Variants in SOX5 observed in about 807,000 individuals in gnomAD.
The protein encoded by SOX5 is SRY-box transcription factor 5.
SOX5 carries 9 observed loss-of-function variants against 92.0 expected under a neutral mutation model. The observed-to-expected ratio is 0.10, with a 90% confidence interval of 0.06 to 0.17. The LOEUF (loss-of-function observed/expected upper bound fraction) is 0.17. SOX5 is among the 10% of genes least tolerant of loss of function. The probability of loss-of-function intolerance (pLI) is 1.00; values close to 1 mark genes in which losing one functional copy is unlikely to be tolerated. For synonymous variants in SOX5, 344 were observed against 336.3 expected, an observed-to-expected ratio of 1.02 and a Z score of -0.25; for missense variants, 642 against 944.5, an observed-to-expected ratio of 0.68 and a Z score of 4.20.
At chr12:24,471,640 G>A (rs58348929) in intron 1 of SOX5, among the ~76,000 whole-genome samples, 160 of 152,232 alleles carry the variant, frequency 1.1e-3, no homozygotes, top group African/African-American at 3.6e-3. Flanking sequence ...GATAATTTAA[G>A]ATGTTTCTAA....
intron 2 of SOX5, among the ~76,000 whole-genome samples, chr12:24,284,923 G>A (rs565234548): frequency 6.6e-6 from 1 of 152,266 alleles, no homozygotes; most frequent in Admixed American, 6.5e-5. Context: ...TCAGGAGTTC[G>A]AGACCAGCCT....
chr12:24,368,425 T>C (rs1226739546), intron 2 of SOX5: 2 of 152,232 alleles, frequency 1.3e-5, no homozygotes, highest in Non-Finnish European at 2.9e-5. Context: ...TTTTTGGCAT[T>C]AGTACATTCG....
intron 3 of SOX5, among the ~76,000 whole-genome samples, chr12:23,781,856 A>G (rs1046134695): frequency 3.3e-5 from 5 of 152,126 alleles, no homozygotes; most frequent in African/African-American, 1.2e-4. Flanking sequence ...CCAAATACAG[A>G]AACTACTTTT....
At position 23,977,661 on chromosome 12, in the gene SOX5, C is replaced by T. The variant is rs1949064943; in HGVS notation, c.-1-81637G>A. ...CGCCTGGTCGAGAGTCTCGTTCTGT[C>T]TCAAAAAAAAAAAAAAAAGTGAAGA... On this transcript the variant is annotated intron_variant, in intron 4 of 4. Transcript: ENST00000446891. Among the ~76,000 whole-genome samples, 4 of 72,236 alleles carry T rather than the reference C, an allele frequency of 5.5e-5. No individual in the cohort carries two copies. In the South Asian group the frequency reaches 1.9e-3, roughly 34 times the overall value. The allele number at this position is 72,236 out of a possible 152,430, so 47.4% of individuals were successfully genotyped here.
At chr12:24,123,961 A>T (rs933995388) in intron 4 of SOX5, among the ~76,000 whole-genome samples, 1 of 152,182 alleles carries the variant, frequency 6.6e-6, no homozygotes, top group Admixed American at 6.5e-5. Flanking sequence ...CAAGAGTCTC[A>T]CCTTGTGCTA....
chr12:24,005,136 T>C (rs1041111680), intron 4 of SOX5, among the ~76,000 whole-genome samples: 2 of 151,940 alleles, frequency 1.3e-5, no homozygotes, highest in Admixed American at 6.6e-5. Flanking sequence ...GGAAATGTTC[T>C]AAATTTGTAT....
intron 4 of SOX5, among the ~76,000 whole-genome samples, chr12:23,963,791 G>A (rs541767327): frequency 6.9e-6 from 1 of 144,934 alleles, no homozygotes; most frequent in African/African-American, 2.5e-5. Flanking sequence ...AAACTGGAAG[G>A]CTATATATTC....
At chr12:23,689,181 C>G (rs780308359) in intron 6 of SOX5, among the ~76,000 whole-genome samples, 10 of 152,016 alleles carry the variant, frequency 6.6e-5, no homozygotes, top group Non-Finnish European at 5.9e-5. Flanking sequence ...TCTTTGTTTT[C>G]TCCTCCCCAA....
chr12:23,734,299 A>G (rs2093504215), intron 6 of SOX5, among the ~76,000 whole-genome samples: 1 of 152,188 alleles, frequency 6.6e-6, no homozygotes, highest in Non-Finnish European at 1.5e-5. Context: ...ATGCAATAAA[A>G]AAGTTCTATC....
rs74882538 is a variant in SOX5, at chr12:24,060,191, A to T, written c.-2+153152T>A. Among the ~76,000 whole-genome samples, 921 of 152,350 alleles carry T rather than the reference A, an allele frequency of 6.0e-3. 10 individuals are homozygous for T. Among genetic ancestry groups the T allele is most frequent in the South Asian group, 0.034 (165 of 4,830 alleles). On this transcript the variant is annotated intron_variant, in intron 4 of 4. Transcript: ENST00000446891. ...TTGTGTGCCAGAAACTATACACAGC[A>T]GTCTATATATTTGTGTCATGTAACC...
At chr12:24,100,455 C>G (rs1167126933) in intron 4 of SOX5, among the ~76,000 whole-genome samples, 1 of 152,112 alleles carries the variant, frequency 6.6e-6, no homozygotes, top group Admixed American at 6.6e-5. Context: ...CTGCCATTCT[C>G]TCCTCTCCTG....
At chr12:23,846,289 A>T (rs992146693) in intron 2 of SOX5, 96 bp from the exon 3 acceptor site, 1 of 964,026 alleles carries the variant, frequency 1.0e-6, no homozygotes, top group Non-Finnish European at 1.6e-6. Context: ...CAAAAGGACA[A>T]ATAATTGTTT....
At chr12:24,155,972 C>T (rs927345136) in intron 4 of SOX5, among the ~76,000 whole-genome samples, 5 of 152,098 alleles carry the variant, frequency 3.3e-5, no homozygotes, top group East Asian at 1.9e-4. Context: ...TGTTTATGGA[C>T]GCTATTTCTG....
intron 3 of SOX5, among the ~76,000 whole-genome samples, chr12:23,798,702 A>G (rs890195711): frequency 1.3e-5 from 2 of 151,900 alleles, no homozygotes; most frequent in African/African-American, 4.8e-5. Context: ...TCAATGGTCT[A>G]TAACTATTTC....
intron 4 of SOX5, among the ~76,000 whole-genome samples, chr12:23,753,931 C>T (rs1454638190): frequency 1.3e-5 from 2 of 151,798 alleles, no homozygotes; most frequent in African/African-American, 4.8e-5. Context: ...GAGTTGAACA[C>T]CTAATAACCA....
At chr12:23,855,088 G>A (rs1278856764) in intron 2 of SOX5, among the ~76,000 whole-genome samples, 1 of 151,718 alleles carries the variant, frequency 6.6e-6, no homozygotes, top group Non-Finnish European at 1.5e-5. Flanking sequence ...TACCAGAAAA[G>A]CAAAGAAAAA....
chr12:24,064,893 G>C (rs1458215582), intron 4 of SOX5, among the ~76,000 whole-genome samples: 7 of 152,088 alleles, frequency 4.6e-5, no homozygotes, highest in Non-Finnish European at 1.0e-4. Context: ...TCAGAAGCAG[G>C]GACACAGGGT....
intron 3 of SOX5, among the ~76,000 whole-genome samples, chr12:23,795,480 G>T (rs938790694): frequency 6.6e-6 from 1 of 152,062 alleles, no homozygotes; most frequent in African/African-American, 2.4e-5. Context: ...TTTTAACAGA[G>T]TTGACAGAAG....
chr12:23,866,810 T>G (rs1207187431), intron 2 of SOX5, among the ~76,000 whole-genome samples: 1 of 152,188 alleles, frequency 6.6e-6, no homozygotes, highest in Non-Finnish European at 1.5e-5. Flanking sequence ...AAGTTCTGAT[T>G]TGAGCATATA....
Sources: gnomAD v4.1 joint callset for allele counts (sites outside exome capture counted in the v4.1 genomes callset) on GRCh38, gnomAD v4.1.1 for gene constraint, MANE v1.5 for transcripts, NCBI Gene and HGNC (gene_info 2026-07-23, HGNC 2026-07-21) for gene names.